The following HNRNPK variants were observed in gnomAD, a reference collection of about 807,000 sequenced individuals.
HNRNPK encodes heterogeneous nuclear ribonucleoprotein K, also known as dC-stretch binding protein.
Under a neutral mutation model 67.0 loss-of-function variants are expected in HNRNPK, and 7 were observed. The observed-to-expected ratio is 0.10, with a 90% confidence interval of 0.06 to 0.20. HNRNPK has a LOEUF of 0.20. Among genes scored for constraint, HNRNPK ranks in the 10% least tolerant of loss-of-function variants. HNRNPK has a pLI of 1.00. For missense variants in HNRNPK, 264 were observed against 606.5 expected, an observed-to-expected ratio of 0.44 and a Z score of 5.93; for synonymous variants, 213 against 193.7, an observed-to-expected ratio of 1.10 and a Z score of -0.83.
intron 7 of HNRNPK, among the ~76,000 whole-genome samples, 197 bp downstream of exon 7, chr9:83,974,320 A>C (rs1030580686): frequency 1.3e-5 from 2 of 150,198 alleles, no homozygotes; most frequent in African/African-American, 4.9e-5. Flanking sequence ...CATTTACTCC[A>C]GGAGTGGCCA....
intron 15 of HNRNPK, 138 bp from the exon 16 acceptor site, chr9:83,970,469 G>C: frequency 1.4e-6 from 1 of 717,644 alleles, no homozygotes. Context: ...AACCTGTCAA[G>C]GTTTGAGTTA....
At chr9:83,978,049 G>T in intron 3 of HNRNPK, 146 bp downstream of exon 3, 1 of 624,824 alleles carries the variant, frequency 1.6e-6, no homozygotes, top group East Asian at 2.8e-5. Flanking sequence ...ATAAATAAAA[G>T]CTAAGATGTA....
At chr9:83,976,361 C>T (rs1357969038) in intron 5 of HNRNPK, 2 of 152,442 alleles carry the variant, frequency 1.3e-5, no homozygotes, top group African/African-American at 2.4e-5. Flanking sequence ...GTAGCCAAGT[C>T]CTATAAATGT....
intron 5 of HNRNPK, 119 bp downstream of exon 5, chr9:83,976,876 T>C (rs1049866764): frequency 3.3e-6 from 2 of 604,848 alleles, no homozygotes; most frequent in Non-Finnish European, 5.7e-6. Context: ...TAATAATAAA[T>C]TATTACAAAT....
In HNRNPK at chr9:83,976,975, T is replaced by C; in HGVS notation, c.213+20A>G. 1 of 1,525,674 alleles carries C rather than the reference T, an allele frequency of 6.6e-7. No individual in the cohort carries two copies. Among genetic ancestry groups the C allele is most frequent in the Non-Finnish European group, 9.1e-7 (1 of 1,102,810 alleles). The allele number at this position is 1,525,674 out of a possible 1,614,324, so 94.5% of individuals were successfully genotyped here. On this transcript the variant is annotated intron_variant, in intron 5 of 16. Transcript: ENST00000376263. The stretch of plus-strand genomic sequence containing the variant: ...TAAACTGAAGCTGCTCGTGTAGTAG[T>C]TTAAACTCTTAATACTTACGTCTGT...
chr9:83,974,495 A>AT, intron 7 of HNRNPK, 22 bp downstream of exon 7: 1 of 1,253,240 alleles, frequency 8.0e-7, no homozygotes, highest in Non-Finnish European at 1.2e-6. Context: ...TGTCAAATAC[A>AT]TTTAAAAAAA....
intron 13 of HNRNPK, 100 bp from the exon 14 acceptor site, chr9:83,971,012 G>A: frequency 8.2e-7 from 1 of 1,217,480 alleles, no homozygotes; most frequent in Admixed American, 1.8e-5. Flanking sequence ...TTGCTATGTT[G>A]CCCAGGCTGG....
intron 13 of HNRNPK, 122 bp from the exon 14 acceptor site, chr9:83,971,034 C>T (rs955411944): frequency 2.7e-5 from 27 of 983,090 alleles, no homozygotes; most frequent in South Asian, 6.9e-5. Context: ...CTCAAACTCT[C>T]GGGCTCAAGT....
At position 83,969,384 on chromosome 9, in the gene HNRNPK, T is replaced by C; in HGVS notation, c.*23A>G. On this transcript the variant is annotated 3_prime_UTR_variant, in exon 17 of 17. Coordinates refer to ENST00000376263, the MANE Select transcript of HNRNPK (RefSeq NM_031263.4). ...CTTTCCAGAATACTGCTTCACACTA[T>C]AAAAAAGAAAAAATATCTTGCATTA... is the stretch of plus-strand genomic sequence containing the variant. 1 of 1,513,832 alleles carries C rather than the reference T, an allele frequency of 6.6e-7. No individual in the cohort carries two copies. The highest frequency in any genetic ancestry group is 9.2e-7 in the Non-Finnish European group (1 of 1,090,658). The allele number at this position is 1,513,832 out of a possible 1,614,324, so 93.8% of individuals were successfully genotyped here.
chr9:83,972,371 T>G lies in HNRNPK; in HGVS notation c.646-182A>C, dbSNP rs1956889598. 3 of 572,874 alleles carry G rather than the reference T, an allele frequency of 5.2e-6. No individual in the cohort carries two copies. The East Asian group carries it at 9.2e-5, about 18-fold the overall frequency. The allele number at this position is 572,874 out of a possible 1,614,324, so 35.5% of individuals were successfully genotyped here. A position where few individuals can be genotyped will look rare whatever the true frequency, so the allele number is the denominator to read the frequency against. On this transcript the variant is annotated intron_variant, in intron 10 of 16. Transcript: ENST00000376263. ...AAGTAAAGATTCCAAAGAAATCCAATACTTTTGGCAAATGCTAAACAAAAG... is the reference window on the plus strand; with the variant it reads ...AAGTAAAGATTCCAAAGAAATCCAAGACTTTTGGCAAATGCTAAACAAAAG...
chr9:83,978,686 C>T (rs891456621), intron 1 of HNRNPK, among the ~76,000 whole-genome samples: 10 of 152,164 alleles, frequency 6.6e-5, no homozygotes, highest in African/African-American at 2.4e-4. Context: ...TGGATTAAGT[C>T]CCACCACAGC....
At chr9:83,979,141 G>T (rs138854317) in intron 1 of HNRNPK, among the ~76,000 whole-genome samples, 2 of 152,194 alleles carry the variant, frequency 1.3e-5, no homozygotes, top group Non-Finnish European at 2.9e-5. Context: ...ACGGTCGATA[G>T]GACTACAAAC....
Position 83,971,374 on chromosome 9 carries a change from A to T in HNRNPK, c.1009-18T>A. On this transcript the variant is annotated intron_variant, in intron 12 of 16. Coordinates refer to ENST00000376263, the MANE Select transcript of HNRNPK (RefSeq NM_031263.4). ...AAACCAACCTGTTAGAGATAAAAAC[A>T]TTAACATGAACCCGCATTGTATTTT... The T allele has an allele frequency of 6.6e-7, 1 of 1,514,374 alleles. No homozygotes were observed. The highest frequency in any genetic ancestry group is 9.2e-7 in the Non-Finnish European group (1 of 1,089,378). 93.8% of individuals were successfully genotyped at this position (1,514,374 alleles called of 1,614,324 possible). A position where few individuals can be genotyped will look rare whatever the true frequency, so the allele number is the denominator to read the frequency against.
At chr9:83,971,580 C>CT (rs1956844452) in intron 12 of HNRNPK, 92 bp downstream of exon 12, 1 of 1,094,112 alleles carries the variant, frequency 9.1e-7, no homozygotes, top group Non-Finnish European at 1.4e-6. Flanking sequence ...GTAAGAAAAA[C>CT]TTTTTAATCA....
At position 83,968,203 on chromosome 9, in the gene HNRNPK, T is replaced by C. The variant is rs1204012405; in HGVS notation, c.*1204A>G. The C allele has an allele frequency of 1.3e-5, 2 of 152,592 alleles. No individual in the cohort carries two copies. The highest frequency in any genetic ancestry group is 2.9e-5 in the Non-Finnish European group (2 of 68,024). 9.5% of individuals were successfully genotyped at this position (152,592 alleles called of 1,614,324 possible). A position where few individuals can be genotyped will look rare whatever the true frequency, so the allele number is the denominator to read the frequency against. On this transcript the variant is annotated 3_prime_UTR_variant, in exon 17 of 17. Transcript: ENST00000376263. The stretch of plus-strand genomic sequence containing the variant: ...TAGCATCATGGGTGTTTTATTTATT[T>C]GGAAGTGAATTTTAACTATCAATAC...
chr9:83,970,376 C>T (rs1025966377), intron 15 of HNRNPK, 45 bp from the exon 16 acceptor site: 1 of 1,385,656 alleles, frequency 7.2e-7, no homozygotes, highest in Non-Finnish European at 1.0e-6. Context: ...ATACTTTTAA[C>T]ATTTACTACC....
chr9:83,975,440 G>A, intron 6 of HNRNPK, 22 bp downstream of exon 6: 1 of 1,608,640 alleles, frequency 6.2e-7, no homozygotes, highest in Non-Finnish European at 8.5e-7. Flanking sequence ...CAGGCAGTGA[G>A]GCATAAACTG....
At chr9:83,973,770 T>C in intron 8 of HNRNPK, 132 bp downstream of exon 8, 1 of 668,598 alleles carries the variant, frequency 1.5e-6, no homozygotes, top group Non-Finnish European at 2.6e-6. Flanking sequence ...CAGTGAGTTG[T>C]AAGACCATTC....
At chr9:83,975,258 C>T (rs767353546) in intron 6 of HNRNPK, among the ~76,000 whole-genome samples, 1 of 152,146 alleles carries the variant, frequency 6.6e-6, no homozygotes, top group East Asian at 1.9e-4. Context: ...CTCCTTCCAT[C>T]GAAATAAAAT....
Sources: allele counts gnomAD v4.1 joint callset (sites outside exome capture counted in the v4.1 genomes callset), GRCh38; gene constraint gnomAD v4.1.1; transcripts MANE v1.5; gene names NCBI Gene and HGNC (gene_info 2026-07-23, HGNC 2026-07-21).